Variants in WARS2 observed in about 807,000 individuals in gnomAD.
WARS2 encodes tryptophan--tRNA ligase, mitochondrial.
In WARS2, 28 loss-of-function variants were observed where a neutral mutation model predicts 36.5. The ratio of observed to expected loss-of-function variants is 0.77; its 90% CI spans 0.57 to 1.05. WARS2 has a LOEUF of 1.05. Among genes scored for constraint, WARS2 ranks in the 50% least tolerant of loss-of-function variants. The pLI is 0.00. For missense variants in WARS2, 435 were observed against 456.8 expected (o/e 0.95, Z 0.44); for synonymous variants, 174 against 178.4 (o/e 0.98, Z 0.20).
chr1:119,117,250 AT>A (rs1292279282), intron 1 of WARS2, among the ~76,000 whole-genome samples: 1 of 152,016 alleles, frequency 6.6e-6, no homozygotes, highest in Non-Finnish European at 1.5e-5. Flanking sequence ...CCACCCCTCC[AT>A]CCCCCATAGT....
chr1:119,078,775 T>C (rs1651962194), intron 1 of WARS2, among the ~76,000 whole-genome samples: 2 of 152,218 alleles, frequency 1.3e-5, no homozygotes, highest in Non-Finnish European at 2.9e-5. Context: ...GGCTGTCTTC[T>C]ATTTATATTA....
rs587657241 is a variant in WARS2 at position 119,125,440 on chromosome 1, A to G, written c.90+15115T>C. 2.6e-5 allele frequency among the ~76,000 whole-genome samples: 4 copies of G among 152,342 alleles called. No individual in the cohort carries two copies. In the East Asian group the frequency reaches 7.7e-4, roughly 29 times the overall value. ...TTACTTGTTGCCTGTCTCTCCTACT[A>G]GAATTTAAGATTTCTGCTTTGCACT... On this transcript the variant is annotated intron_variant, in intron 1 of 5. Transcript: ENST00000235521.
At chr1:119,099,827 T>G (rs1051652281) in intron 1 of WARS2, among the ~76,000 whole-genome samples, 1 of 152,108 alleles carries the variant, frequency 6.6e-6, no homozygotes, top group African/African-American at 2.4e-5. Flanking sequence ...AACTTAAACA[T>G]AGACCTGAAA....
chr1:119,072,355 G>A (rs1410428953), intron 2 of WARS2, among the ~76,000 whole-genome samples: 2 of 152,162 alleles, frequency 1.3e-5, no homozygotes, highest in African/African-American at 2.4e-5. Context: ...ATGTGGGACA[G>A]CAGTTTATAG....
intron 2 of WARS2, 96 bp from the exon 3 acceptor site, chr1:119,045,758 T>C (rs1205865326): frequency 4.1e-6 from 4 of 972,590 alleles, no homozygotes; most frequent in Admixed American, 2.0e-5. Context: ...TGTCTGAAAA[T>C]ACCCCAAATT....
chr1:119,123,883 T>C (rs587677803), intron 1 of WARS2, among the ~76,000 whole-genome samples: 9 of 151,944 alleles, frequency 5.9e-5, no homozygotes, highest in East Asian at 2.0e-4. Flanking sequence ...CAGTCTATAC[T>C]GAGAACTCTC....
intron 2 of WARS2, among the ~76,000 whole-genome samples, chr1:119,059,053 T>C (rs1011013794): frequency 3.3e-5 from 5 of 151,876 alleles, no homozygotes; most frequent in Admixed American, 6.6e-5. Context: ...ATTTCTCTGA[T>C]GGCCAGTGAT....
intron 2 of WARS2, among the ~76,000 whole-genome samples, chr1:119,066,987 A>C (rs1650933598): frequency 6.6e-6 from 1 of 152,220 alleles, no homozygotes. Flanking sequence ...GCTGGAAAAA[A>C]ATCCAAATAT....
chr1:119,053,043 T>C (rs1455814853), intron 2 of WARS2, among the ~76,000 whole-genome samples: 1 of 152,190 alleles, frequency 6.6e-6, no homozygotes, highest in Non-Finnish European at 1.5e-5. Flanking sequence ...CAGAAAGAGA[T>C]GCCTCTCCCA....
At chr1:119,118,067 C>G (rs185549839) in intron 1 of WARS2, among the ~76,000 whole-genome samples, 187 of 152,142 alleles carry the variant, frequency 1.2e-3, no homozygotes, top group Non-Finnish European at 2.5e-3. Context: ...AGCAATGGCT[C>G]TAAACCAAGT....
chr1:119,101,120 G>A (rs587628073), intron 1 of WARS2, among the ~76,000 whole-genome samples: 6 of 152,218 alleles, frequency 3.9e-5, no homozygotes, highest in Admixed American at 3.3e-4. Context: ...CATACAGTTC[G>A]ATAAAAGGAA....
chr1:119,092,446 C>T (rs1260111062), intron 1 of WARS2, among the ~76,000 whole-genome samples: 1 of 152,148 alleles, frequency 6.6e-6, no homozygotes, highest in Non-Finnish European at 1.5e-5. Context: ...TTACTATCAC[C>T]TGTCTTACTT....
intron 1 of WARS2, among the ~76,000 whole-genome samples, chr1:119,136,126 CTGTGTG>C (rs144134831): frequency 2.7e-5 from 4 of 149,120 alleles, no homozygotes; most frequent in Non-Finnish European, 6.0e-5. Context: ...ATATATTTGT[CTGTGTG>C]TGTGTGTGTG....
intron 2 of WARS2, among the ~76,000 whole-genome samples, chr1:119,048,388 A>T (rs980128574): frequency 6.6e-6 from 1 of 152,246 alleles, no homozygotes; most frequent in Non-Finnish European, 1.5e-5. Flanking sequence ...CCTAGCATAT[A>T]GTAACTACTC....
At chr1:119,109,122 T>C (rs763189473) in intron 1 of WARS2, among the ~76,000 whole-genome samples, 2 of 152,020 alleles carry the variant, frequency 1.3e-5, no homozygotes, top group Non-Finnish European at 2.9e-5. Context: ...ACATCTGTTT[T>C]ATGGTTCAGA....
At chr1:119,065,362 G>T (rs1015313102) in intron 2 of WARS2, among the ~76,000 whole-genome samples, 3 of 152,008 alleles carry the variant, frequency 2.0e-5, no homozygotes, top group Non-Finnish European at 2.9e-5. Flanking sequence ...AAATAAAATG[G>T]AGGAGGGAAT....
At chr1:119,104,090 A>G (rs1306124910) in intron 1 of WARS2, among the ~76,000 whole-genome samples, 1 of 151,464 alleles carries the variant, frequency 6.6e-6, no homozygotes, top group Admixed American at 6.6e-5. Context: ...AAGTGTTGGG[A>G]TTATAGGCAT....
intron 2 of WARS2, among the ~76,000 whole-genome samples, chr1:119,049,277 C>A (rs1557941591): frequency 6.6e-6 from 1 of 152,122 alleles, no homozygotes; most frequent in Admixed American, 6.5e-5. Flanking sequence ...AGCGGCCCAA[C>A]TCCAGGGGAA....
At chr1:119,036,331 G>T (rs1422549025) in intron 4 of WARS2, among the ~76,000 whole-genome samples, 2 of 152,232 alleles carry the variant, frequency 1.3e-5, no homozygotes, top group African/African-American at 4.8e-5. Context: ...GGATCAGTGA[G>T]TGGCAAAAAC....
Sources: allele counts gnomAD v4.1 joint callset (sites outside exome capture counted in the v4.1 genomes callset), GRCh38; gene constraint gnomAD v4.1.1; transcripts MANE v1.5; gene names NCBI Gene and HGNC (gene_info 2026-07-23, HGNC 2026-07-21).